Variants in KCNT2 observed in about 807,000 individuals in gnomAD.
The protein encoded by KCNT2 is potassium sodium-activated channel subfamily T member 2, also known as potassium channel subfamily T member 2.
KCNT2 carries 67 observed loss-of-function variants against 153.8 expected under a neutral mutation model. That is an observed-to-expected ratio of 0.44 (90% confidence interval 0.36 to 0.53). The LOEUF is 0.53. KCNT2 is among the 20% of genes least tolerant of loss of function. The pLI, the probability that KCNT2 is intolerant of heterozygous loss-of-function variation, is 0.00. For synonymous variants in KCNT2, 500 were observed against 458.8 expected, an observed-to-expected ratio of 1.09 and a Z score of -1.15; for missense variants, 975 against 1,354.8, an observed-to-expected ratio of 0.72 and a Z score of 4.40.
At chr1:196,464,973 A>G (rs1677479956) in intron 8 of KCNT2, among the ~76,000 whole-genome samples, 1 of 151,994 alleles carries the variant, frequency 6.6e-6, no homozygotes. Flanking sequence ...CACTTCTGTA[A>G]CAGTAGTTTG....
chr1:196,437,467 G>C (rs1674825455), intron 8 of KCNT2, among the ~76,000 whole-genome samples: 1 of 142,768 alleles, frequency 7.0e-6, no homozygotes, highest in African/African-American at 2.5e-5. Context: ...CACACATTTT[G>C]TTTATTATCC....
At position 196,302,957 on chromosome 1, in the gene KCNT2, G is replaced by C. The variant is rs550691359; in HGVS notation, c.2595+2277C>G. Among the ~76,000 whole-genome samples, 3 of 151,162 alleles carry C rather than the reference G, an allele frequency of 2.0e-5. No individual in the cohort carries two copies. In the East Asian group the frequency reaches 5.8e-4, roughly 29 times the overall value. ...TAATTTGGAAATATGTTGATGTATT[G>C]AGTTTCTTTTTTCTTCATGGGAAAA... is the stretch of plus-strand genomic sequence containing the variant. On this transcript the variant is annotated intron_variant, in intron 22 of 27. Transcript: ENST00000294725.
intron 1 of KCNT2, among the ~76,000 whole-genome samples, chr1:196,509,763 G>A (rs1188218333): frequency 6.6e-6 from 1 of 151,792 alleles, no homozygotes; most frequent in Non-Finnish European, 1.5e-5. Flanking sequence ...ATAAATGAAT[G>A]AAATAAATTA....
At chr1:196,372,061 G>A (rs1200503156) in intron 14 of KCNT2, among the ~76,000 whole-genome samples, 1 of 151,968 alleles carries the variant, frequency 6.6e-6, no homozygotes, top group African/African-American at 2.4e-5. Flanking sequence ...GAAGATAAAC[G>A]TCATTCCTAA....
chr1:196,598,364 C>T (rs961899371), intron 1 of KCNT2, among the ~76,000 whole-genome samples: 1 of 152,184 alleles, frequency 6.6e-6, no homozygotes, highest in Non-Finnish European at 1.5e-5. Context: ...TACCCCCATA[C>T]ACACACAAAT....
chr1:196,469,400 C>T (rs998847387), intron 5 of KCNT2, among the ~76,000 whole-genome samples: 1 of 152,000 alleles, frequency 6.6e-6, no homozygotes, highest in East Asian at 1.9e-4. Flanking sequence ...TAAAAAGTGA[C>T]AATTTGAAGT....
chr1:196,540,427 C>T (rs988601054), intron 1 of KCNT2, among the ~76,000 whole-genome samples: 3 of 152,178 alleles, frequency 2.0e-5, no homozygotes, highest in African/African-American at 7.2e-5. Flanking sequence ...CAATCCAATT[C>T]TCCTCAAAAG....
chr1:196,508,189 CAAAAAAA>C (rs10539910), intron 1 of KCNT2, among the ~76,000 whole-genome samples: 165 of 59,992 alleles, frequency 2.8e-3, no homozygotes, highest in African/African-American at 9.8e-3. Context: ...CCCTAAGTAG[CAAAAAAA>C]AAAAAAAAAA....
chr1:196,527,022 G>T (rs1654317189), intron 1 of KCNT2, among the ~76,000 whole-genome samples: 1 of 152,108 alleles, frequency 6.6e-6, no homozygotes, highest in African/African-American at 2.4e-5. Context: ...TGTGAACTGT[G>T]CATGTAAGGG....
intron 21 of KCNT2, among the ~76,000 whole-genome samples, chr1:196,311,633 C>T (rs190952720): frequency 0.016 from 2,383 of 151,862 alleles, 56 homozygotes; most frequent in African/African-American, 0.054. Flanking sequence ...CCATTCTGCC[C>T]TAAACATTAT....
intron 5 of KCNT2, 40 bp downstream of exon 5, chr1:196,479,139 G>A (rs374716433): frequency 2.1e-5 from 25 of 1,209,824 alleles, no homozygotes; most frequent in Non-Finnish European, 2.8e-5. Flanking sequence ...TACTACAGAT[G>A]TGTTCTATCA....
At chr1:196,389,164 A>G (rs1323562038) in intron 13 of KCNT2, among the ~76,000 whole-genome samples, 1 of 151,746 alleles carries the variant, frequency 6.6e-6, no homozygotes, top group Admixed American at 6.6e-5. Context: ...TTATATGACT[A>G]TTGTAACCTT....
intron 25 of KCNT2, among the ~76,000 whole-genome samples, chr1:196,267,083 A>G (rs1657612334): frequency 1.3e-5 from 2 of 152,182 alleles, no homozygotes; most frequent in African/African-American, 4.8e-5. Context: ...CTGACTACAC[A>G]TAGAATACTT....
intron 1 of KCNT2, among the ~76,000 whole-genome samples, chr1:196,510,949 G>A (rs1681561863): frequency 6.6e-6 from 1 of 152,048 alleles, no homozygotes; most frequent in African/African-American, 2.4e-5. Context: ...GGTTAAACTG[G>A]CAAATATAGA....
At chr1:196,466,761 T>C (rs1441440257) in intron 7 of KCNT2, among the ~76,000 whole-genome samples, 1 of 151,998 alleles carries the variant, frequency 6.6e-6, no homozygotes, top group Non-Finnish European at 1.5e-5. Context: ...CATTGTTCAG[T>C]ATATAGTGAA....
At chr1:196,434,343 T>C (rs186112589) in intron 8 of KCNT2, among the ~76,000 whole-genome samples, 2 of 152,220 alleles carry the variant, frequency 1.3e-5, no homozygotes, top group African/African-American at 4.8e-5. Flanking sequence ...TTGCTTTTGC[T>C]TGAGTCTGCA....
At chr1:196,283,939 T>C (rs1659374355) in intron 23 of KCNT2, among the ~76,000 whole-genome samples, 1 of 151,756 alleles carries the variant, frequency 6.6e-6, no homozygotes, top group Non-Finnish European at 1.5e-5. Context: ...TGTCAAAATT[T>C]AAGACTTTAG....
At chr1:196,278,521 T>A (rs935253951) in intron 25 of KCNT2, among the ~76,000 whole-genome samples, 4 of 152,178 alleles carry the variant, frequency 2.6e-5, no homozygotes, top group African/African-American at 9.7e-5. Flanking sequence ...AATGAGGTAA[T>A]CTTTATTTGC....
chr1:196,541,222 A>G (rs1000455410), intron 1 of KCNT2, among the ~76,000 whole-genome samples: 1 of 152,026 alleles, frequency 6.6e-6, no homozygotes, highest in Admixed American at 6.6e-5. Flanking sequence ...AATATACGAA[A>G]CCAAAGAAGT....
Sources: allele counts gnomAD v4.1 joint callset (sites outside exome capture counted in the v4.1 genomes callset), GRCh38; gene constraint gnomAD v4.1.1; transcripts MANE v1.5; gene names NCBI Gene and HGNC (gene_info 2026-07-23, HGNC 2026-07-21).